Variants in AGBL1 observed in about 807,000 individuals in gnomAD.
AGBL1 encodes AGBL carboxypeptidase 1.
AGBL1 carries 130 observed loss-of-function variants against 118.9 expected under a neutral mutation model. The ratio of observed to expected loss-of-function variants is 1.09; its 90% CI spans 0.95 to 1.26. The LOEUF is 1.26. Ranked by LOEUF, AGBL1 falls within the 50% of genes most tolerant of loss-of-function variation. AGBL1 has a pLI of 0.00. For missense variants in AGBL1, 1,584 were observed against 1,298.1 expected, an observed-to-expected ratio of 1.22 and a Z score of -3.38; for synonymous variants, 555 against 478.9, an observed-to-expected ratio of 1.16 and a Z score of -2.08.
At chr15:86,491,032 A>C (rs2082770743) in intron 18 of AGBL1, among the ~76,000 whole-genome samples, 1 of 152,250 alleles carries the variant, frequency 6.6e-6, no homozygotes, top group South Asian at 2.1e-4. Context: ...GTGGTTATAC[A>C]AAAATATATT....
intron 18 of AGBL1, among the ~76,000 whole-genome samples, chr15:86,412,295 G>A (rs1031926390): frequency 1.2e-4 from 19 of 152,104 alleles, no homozygotes; most frequent in African/African-American, 4.6e-4. Context: ...TTTCTTTATA[G>A]CCAATCTAAT....
chr15:86,110,105 A>T (rs1375763551), intron 1 of AGBL1, among the ~76,000 whole-genome samples: 1 of 152,202 alleles, frequency 6.6e-6, no homozygotes, highest in Non-Finnish European at 1.5e-5. Flanking sequence ...ATCCCATGCA[A>T]GTGAGGGACT....
intron 22 of AGBL1, among the ~76,000 whole-genome samples, chr15:86,776,466 T>G (rs989702235): frequency 6.6e-6 from 1 of 152,092 alleles, no homozygotes; most frequent in South Asian, 2.1e-4. Context: ...AGTCACTTAT[T>G]AATATGCTTT....
intron 21 of AGBL1, among the ~76,000 whole-genome samples, chr15:86,604,157 T>G (rs2084538081): frequency 6.6e-6 from 1 of 152,012 alleles, no homozygotes; most frequent in Non-Finnish European, 1.5e-5. Flanking sequence ...AAATAGATGT[T>G]TTTCTTAGGG....
intron 24 of AGBL1, among the ~76,000 whole-genome samples, chr15:87,021,282 C>T (rs2081661885): frequency 6.6e-6 from 1 of 152,080 alleles, no homozygotes; most frequent in Admixed American, 6.6e-5. Flanking sequence ...GAAGAACTGG[C>T]AGCCATATGC....
chr15:86,217,378 T>A (rs2078206856), intron 5 of AGBL1, among the ~76,000 whole-genome samples: 1 of 152,196 alleles, frequency 6.6e-6, no homozygotes, highest in South Asian at 2.1e-4. Context: ...GTTATCTGTG[T>A]TCAAATAAGA....
At chr15:86,589,681 G>T (rs776375160) in intron 21 of AGBL1, among the ~76,000 whole-genome samples, 16 of 152,064 alleles carry the variant, frequency 1.1e-4, no homozygotes, top group Non-Finnish European at 1.9e-4. Flanking sequence ...TTGCCAAATG[G>T]TTTGCATTTT....
At chr15:86,849,730 C>G (rs2079377963) in intron 22 of AGBL1, among the ~76,000 whole-genome samples, 1 of 152,178 alleles carries the variant, frequency 6.6e-6, no homozygotes, top group Admixed American at 6.5e-5. Context: ...GGCTTAGTAT[C>G]TGTGCTCCGC....
intron 5 of AGBL1, among the ~76,000 whole-genome samples, chr15:86,210,151 C>G (rs1409132719): frequency 6.6e-6 from 1 of 152,216 alleles, no homozygotes; most frequent in Non-Finnish European, 1.5e-5. Flanking sequence ...CCTCCACTCT[C>G]TTCTGGCTTG....
intron 22 of AGBL1, among the ~76,000 whole-genome samples, chr15:86,812,014 C>T (rs961097960): frequency 2.0e-5 from 3 of 152,174 alleles, no homozygotes; most frequent in Non-Finnish European, 4.4e-5. Context: ...TATAAGAACG[C>T]ACTTTGTAAA....
intron 17 of AGBL1, among the ~76,000 whole-genome samples, chr15:86,380,000 G>C (rs970864072): frequency 5.9e-5 from 9 of 152,200 alleles, no homozygotes; most frequent in African/African-American, 2.2e-4. Context: ...CATGCAATCT[G>C]TAAGGCCTAT....
chr15:86,315,261 T>C (rs1002402122), intron 17 of AGBL1, among the ~76,000 whole-genome samples: 153 of 152,172 alleles, frequency 1.0e-3, no homozygotes, highest in African/African-American at 3.5e-3. Flanking sequence ...GGTGTAGGTA[T>C]TGGAGTCACT....
intron 24 of AGBL1, among the ~76,000 whole-genome samples, chr15:87,015,348 C>A (rs1270851486): frequency 6.6e-6 from 1 of 151,962 alleles, no homozygotes; most frequent in African/African-American, 2.4e-5. Flanking sequence ...CCTTATCTTT[C>A]TGCCTGTCTG....
Position 86,262,769 on chromosome 15 carries a change from C to T in AGBL1, c.970-9C>T. 2 of 1,569,376 alleles carry T rather than the reference C, an allele frequency of 1.3e-6. No individual in the cohort carries two copies. Among genetic ancestry groups the T allele is most frequent in the Non-Finnish European group, 1.7e-6 (2 of 1,145,672 alleles). ...GACTGTAATCTCTTCTATGACTATTCCATTTTAGGATGATGACTTGGAAAC... is the reference window on the plus strand; with the variant it reads ...GACTGTAATCTCTTCTATGACTATTTCATTTTAGGATGATGACTTGGAAAC... On this transcript the variant is annotated splice_polypyrimidine_tract_variant and intron_variant, in intron 9 of 22. Coordinates refer to ENST00000614907, the MANE Select transcript of AGBL1 (RefSeq NM_001386094.1).
chr15:86,584,107 G>A (rs2142337677), intron 21 of AGBL1, among the ~76,000 whole-genome samples: 1 of 152,170 alleles, frequency 6.6e-6, no homozygotes, highest in Non-Finnish European at 1.5e-5. Flanking sequence ...TGCATAGTTT[G>A]CAAATACTTT....
At chr15:86,137,938 C>G (rs1209163771) in intron 1 of AGBL1, among the ~76,000 whole-genome samples, 1 of 151,932 alleles carries the variant, frequency 6.6e-6, no homozygotes, top group African/African-American at 2.4e-5. Context: ...TACCATATGC[C>G]CAGTTCTATA....
chr15:86,153,861 G>A (rs577207910), intron 3 of AGBL1, among the ~76,000 whole-genome samples: 1 of 152,058 alleles, frequency 6.6e-6, no homozygotes, highest in Non-Finnish European at 1.5e-5. Flanking sequence ...TTGCAGGTTA[G>A]CATTTTCTTC....
intron 23 of AGBL1, among the ~76,000 whole-genome samples, chr15:86,964,852 A>G (rs560399295): frequency 6.6e-6 from 1 of 151,308 alleles, no homozygotes; most frequent in African/African-American, 2.4e-5. Flanking sequence ...TCATTGTTCA[A>G]CTCCCACTTA....
At chr15:86,131,800 A>G (rs928958981) in intron 1 of AGBL1, among the ~76,000 whole-genome samples, 1 of 151,928 alleles carries the variant, frequency 6.6e-6, no homozygotes, top group African/African-American at 2.4e-5. Context: ...AAATACAAAA[A>G]TGAGCAAGGT....
Sources: gnomAD v4.1 joint callset for allele counts (sites outside exome capture counted in the v4.1 genomes callset) on GRCh38, gnomAD v4.1.1 for gene constraint, MANE v1.5 for transcripts, NCBI Gene and HGNC (gene_info 2026-07-23, HGNC 2026-07-21) for gene names.